Variants in GPC3 observed in about 807,000 individuals in gnomAD.
GPC3 encodes the protein glypican-3.
GPC3 carries 3 observed loss-of-function variants against 34.4 expected under a neutral mutation model. That is an observed-to-expected ratio of 0.09 (90% CI 0.04 to 0.23). GPC3 has a LOEUF of 0.23. Among genes scored for constraint, GPC3 ranks in the 10% least tolerant of loss-of-function variants. GPC3 has a pLI of 1.00. For missense variants in GPC3, 351 were observed against 445.6 expected (o/e 0.79, Z 1.91); for synonymous variants, 177 against 174.0 (o/e 1.02, Z -0.13).
At chrX:133,699,190 C>A (rs777723753) in intron 4 of GPC3, among the ~76,000 whole-genome samples, 2 of 111,912 alleles carry the variant, frequency 1.8e-5, no homozygotes, top group African/African-American at 6.5e-5. Context: ...GCACTCCCCC[C>A]TCAAGGTCAA....
At chrX:133,827,877 G>A (rs1031043091) in intron 2 of GPC3, among the ~76,000 whole-genome samples, 1 of 102,468 alleles carries the variant, frequency 9.8e-6, no homozygotes, top group Non-Finnish European at 2.0e-5. Flanking sequence ...CCCGGGAGGC[G>A]GAGGTTGCAG....
intron 2 of GPC3, among the ~76,000 whole-genome samples, chrX:133,907,625 C>T (rs1480895760): frequency 9.0e-6 from 1 of 111,530 alleles, no homozygotes; most frequent in African/African-American, 3.3e-5. Flanking sequence ...AACTACAAAG[C>T]TTTATAACAT....
At chrX:133,557,604 T>A (rs2069501951) in intron 7 of GPC3, among the ~76,000 whole-genome samples, 1 of 112,470 alleles carries the variant, frequency 8.9e-6, no homozygotes, top group South Asian at 3.7e-4. Context: ...CAATATTTCA[T>A]TTTTATTTTC....
chrX:133,776,801 C>G (rs1271563666), intron 2 of GPC3, among the ~76,000 whole-genome samples: 1 of 110,089 alleles, frequency 9.1e-6, no homozygotes, highest in Admixed American at 9.7e-5. Context: ...AGTCCACGAA[C>G]TTTGCTCTCA....
chrX:133,704,904 T>C (rs1421234779), intron 3 of GPC3, among the ~76,000 whole-genome samples: 1 of 111,438 alleles, frequency 9.0e-6, no homozygotes, highest in Admixed American at 9.5e-5. Flanking sequence ...ATAATGAACA[T>C]GTCAAGAAAT....
intron 6 of GPC3, among the ~76,000 whole-genome samples, chrX:133,654,414 T>C (rs1003213137): frequency 9.0e-6 from 1 of 111,153 alleles, no homozygotes; most frequent in African/African-American, 3.3e-5. Context: ...TTTGTAACTG[T>C]TTATTAAAAA....
chrX:133,737,792 T>C (rs976689283), intron 3 of GPC3, among the ~76,000 whole-genome samples: 1 of 111,949 alleles, frequency 8.9e-6, no homozygotes, highest in Non-Finnish European at 1.9e-5. Context: ...TGCTGTTTGA[T>C]TTAAGAAAAT....
chrX:133,978,933 A>T (rs1000404810), intron 1 of GPC3, among the ~76,000 whole-genome samples: 1 of 112,197 alleles, frequency 8.9e-6, no homozygotes, highest in Non-Finnish European at 1.9e-5. Flanking sequence ...GGCAGACAAA[A>T]AGGCCATGTA....
intron 2 of GPC3, among the ~76,000 whole-genome samples, chrX:133,908,999 C>T (rs1056025595): frequency 3.6e-5 from 4 of 112,120 alleles, no homozygotes; most frequent in South Asian, 3.7e-4. Context: ...CCCAGCTTTG[C>T]GATATCTGCA....
intron 2 of GPC3, among the ~76,000 whole-genome samples, chrX:133,903,106 G>C (rs1438393073): frequency 9.3e-6 from 1 of 107,722 alleles, no homozygotes; most frequent in Non-Finnish European, 1.9e-5. Flanking sequence ...AGCTGAGATT[G>C]TGCCACTGCA....
chrX:133,920,672 C>G (rs2076244472), intron 2 of GPC3, among the ~76,000 whole-genome samples: 1 of 111,697 alleles, frequency 9.0e-6, no homozygotes, highest in Non-Finnish European at 1.9e-5. Flanking sequence ...TATCCCAATC[C>G]TATGTATTTT....
Position 133,535,909 on chromosome X carries a change from G to T in GPC3, c.*215C>A. 1 of 397,740 alleles carries T rather than the reference G, an allele frequency of 2.5e-6. No homozygotes were observed. The highest frequency in any genetic ancestry group is 4.4e-6 in the Non-Finnish European group (1 of 229,729). 32.8% of individuals were successfully genotyped at this position (397,740 alleles called of 1,213,427 possible). A position where few individuals can be genotyped will look rare whatever the true frequency, so the allele number is the denominator to read the frequency against. On this transcript the variant is annotated 3_prime_UTR_variant, in exon 8 of 8. Transcript: ENST00000370818. ...GGTTTTTTTTCTTTCTTTGCAAAAGGACAATCTATATGCTACCACTAAAAT... is the reference window on the plus strand; with the variant it reads ...GGTTTTTTTTCTTTCTTTGCAAAAGTACAATCTATATGCTACCACTAAAAT...
At chrX:133,982,070 A>AT (rs1444047228) in intron 1 of GPC3, among the ~76,000 whole-genome samples, 1 of 112,063 alleles carries the variant, frequency 8.9e-6, no homozygotes, top group African/African-American at 3.2e-5. Context: ...GTTTAGAGGA[A>AT]TTTTTTTCCA....
At chrX:133,750,927 G>A (rs2071661462) in intron 3 of GPC3, among the ~76,000 whole-genome samples, 1 of 109,067 alleles carries the variant, frequency 9.2e-6, no homozygotes, top group Non-Finnish European at 1.9e-5. Flanking sequence ...TACAGAATTA[G>A]CCAGGCATGG....
chrX:133,536,843 G>C (rs769423680), intron 7 of GPC3, among the ~76,000 whole-genome samples: 1 of 111,111 alleles, frequency 9.0e-6, no homozygotes, highest in African/African-American at 3.3e-5. Context: ...GTTGAGGATA[G>C]GTAGTTTGCT....
intron 5 of GPC3, among the ~76,000 whole-genome samples, chrX:133,667,909 T>C (rs1172557789): frequency 2.8e-5 from 3 of 108,080 alleles, no homozygotes; most frequent in Non-Finnish European, 3.8e-5. Context: ...CTTTTCTTTT[T>C]TTTTCTTTTT....
chrX:133,600,719 A>G (rs1457051323), intron 6 of GPC3, among the ~76,000 whole-genome samples: 1 of 111,834 alleles, frequency 8.9e-6, no homozygotes, highest in Non-Finnish European at 1.9e-5. Flanking sequence ...GGATTTAGGC[A>G]GCCTGGAATT....
At chrX:133,791,644 C>T (rs2072160862) in intron 2 of GPC3, among the ~76,000 whole-genome samples, 1 of 110,516 alleles carries the variant, frequency 9.0e-6, no homozygotes, top group African/African-American at 3.3e-5. Context: ...TATGTCTCTC[C>T]CCTTTTCCTG....
At position 133,869,543 on chromosome X, in the gene GPC3, G is replaced by A. The variant is rs142776602; in HGVS notation, c.337+83507C>T. Reference sequence around the variant, plus strand: ...CTACTGACACAAACCATGGCAACACGAACATATTTCAAGCTTGAGTGGCAT... The same window carrying A: ...CTACTGACACAAACCATGGCAACACAAACATATTTCAAGCTTGAGTGGCAT... On this transcript the variant is annotated intron_variant, in intron 2 of 7. Transcript: ENST00000370818. Among the ~76,000 whole-genome samples, 1,023 of 112,077 alleles carry A rather than the reference G, an allele frequency of 9.1e-3. 14 individuals are homozygous for A. Among genetic ancestry groups the A allele is most frequent in the African/African-American group, 0.031 (965 of 30,886 alleles).
Sources: allele counts gnomAD v4.1 joint callset (sites outside exome capture counted in the v4.1 genomes callset), GRCh38; gene constraint gnomAD v4.1.1; transcripts MANE v1.5; gene names NCBI Gene and HGNC (gene_info 2026-07-23, HGNC 2026-07-21).